ASXL3: variants seen among roughly 807,000 people sequenced by gnomAD.
The protein encoded by ASXL3 is putative Polycomb group protein ASXL3.
In ASXL3, 34 loss-of-function variants were observed where a neutral mutation model predicts 170.6. The observed-to-expected ratio is 0.20, with a 90% CI of 0.15 to 0.27. The LOEUF (loss-of-function observed/expected upper bound fraction) is 0.27. Ranked by LOEUF, ASXL3 falls within the 10% of genes least tolerant of loss-of-function variation. The probability of loss-of-function intolerance (pLI) is 1.00; values close to 1 mark genes in which losing one functional copy is unlikely to be tolerated. For missense variants in ASXL3, 2,592 were observed against 2,695.3 expected (o/e 0.96, Z 0.85); for synonymous variants, 1,002 against 989.1 (o/e 1.01, Z -0.24).
intron 8 of ASXL3, among the ~76,000 whole-genome samples, chr18:33,703,144 A>G (rs749454596): frequency 1.3e-5 from 2 of 152,036 alleles, no homozygotes; most frequent in Non-Finnish European, 2.9e-5. Context: ...TACATTCATA[A>G]AGCTACCAGT....
rs542841614 is a variant in ASXL3 at position 33,706,651 on chromosome 18, C to T, written c.879+23083C>T. ...ATCCCCATTTGTATATTACCAGTTCCAGTCTTTAGTGTATTTTTTTTATTG... is the reference window on the plus strand; with the variant it reads ...ATCCCCATTTGTATATTACCAGTTCTAGTCTTTAGTGTATTTTTTTTATTG... On this transcript the variant is annotated intron_variant, in intron 8 of 11. Coordinates refer to ENST00000269197, the MANE Select transcript of ASXL3 (RefSeq NM_030632.3). 3.0e-4 allele frequency among the ~76,000 whole-genome samples: 46 copies of T among 151,790 alleles called. 1 individual carries two copies. The South Asian group carries it at 7.1e-3, about 23-fold the overall frequency.
chr18:33,727,833 TC>T (rs1465345025), intron 8 of ASXL3, among the ~76,000 whole-genome samples: 3 of 152,210 alleles, frequency 2.0e-5, no homozygotes, highest in Non-Finnish European at 4.4e-5. Flanking sequence ...GGCATTTATT[TC>T]CTAAATCAAA....
chr18:33,743,124 G>A lies in ASXL3; in HGVS notation c.3276G>A (p.Glu1092=), dbSNP rs1454638422. The A allele has an allele frequency of 6.2e-7, 1 of 1,613,724 alleles. No homozygotes were observed. The highest frequency in any genetic ancestry group is 1.3e-5 in the African/African-American group (1 of 74,878). Residue 1092 remains glutamate (E), a synonymous_variant, in exon 12 of 12, where the codon GAG becomes GAA. Coordinates refer to ENST00000269197, the MANE Select transcript of ASXL3 (RefSeq NM_030632.3). ...IVSGAMGSPG[E]GGKTRTLAHI... Reference sequence around the variant, plus strand: ...CTGGAGCCATGGGAAGTCCAGGAGAGGGTGGAAAGACGAGAACTCTGGCAC... The same window carrying A: ...CTGGAGCCATGGGAAGTCCAGGAGAAGGTGGAAAGACGAGAACTCTGGCAC...
At chr18:33,717,848 G>GGTTT (rs1309615923) in intron 8 of ASXL3, among the ~76,000 whole-genome samples, 1 of 152,066 alleles carries the variant, frequency 6.6e-6, no homozygotes, top group African/African-American at 2.4e-5. Flanking sequence ...CCCGTTTTCT[G>GGTTT]GTTTGTGCAC....
intron 8 of ASXL3, among the ~76,000 whole-genome samples, chr18:33,685,183 A>T (rs2066574022): frequency 6.6e-6 from 1 of 152,224 alleles, no homozygotes; most frequent in Non-Finnish European, 1.5e-5. Flanking sequence ...GAAACATGAA[A>T]GTAGAAAGAA....
At chr18:33,669,195 G>A (rs961387002) in intron 5 of ASXL3, among the ~76,000 whole-genome samples, 4 of 152,032 alleles carry the variant, frequency 2.6e-5, no homozygotes, top group Non-Finnish European at 5.9e-5. Flanking sequence ...AAATTTATGT[G>A]CAATTATGTA....
At position 33,633,363 on chromosome 18, in the gene ASXL3, C is replaced by T. The variant is rs758146817; in HGVS notation, c.138-11531C>T. On this transcript the variant is annotated intron_variant, in intron 2 of 11. Coordinates refer to ENST00000269197, the MANE Select transcript of ASXL3 (RefSeq NM_030632.3). ...GTTCTGTAATAAGGAAATACTTAAACGAATTATGATACAGTACATATATTT... is the reference window on the plus strand; with the variant it reads ...GTTCTGTAATAAGGAAATACTTAAATGAATTATGATACAGTACATATATTT... 5.3e-5 allele frequency among the ~76,000 whole-genome samples: 8 copies of T among 152,012 alleles called. No individual in the cohort carries two copies. The East Asian group carries it at 9.7e-4, about 18-fold the overall frequency.
chr18:33,730,543 C>T (rs534940423), intron 8 of ASXL3, among the ~76,000 whole-genome samples: 4 of 152,068 alleles, frequency 2.6e-5, no homozygotes, highest in Non-Finnish European at 5.9e-5. Flanking sequence ...GTTATCCAGT[C>T]AAAAGATGGG....
At chr18:33,689,087 G>T (rs907484685) in intron 8 of ASXL3, among the ~76,000 whole-genome samples, 1 of 151,822 alleles carries the variant, frequency 6.6e-6, no homozygotes, top group South Asian at 2.1e-4. Flanking sequence ...TCCGCCTCCC[G>T]GGTTCAAGCG....
intron 4 of ASXL3, among the ~76,000 whole-genome samples, chr18:33,647,850 A>G (rs550991073): frequency 1.3e-5 from 2 of 152,184 alleles, no homozygotes; most frequent in African/African-American, 4.8e-5. Context: ...ATGGGGCAAA[A>G]TACATAAGGG....
rs1410781329 is a variant in ASXL3 at position 33,578,491 on chromosome 18, GCCGCCGCCA to G, written c.-135_-127del. 7.5e-5 allele frequency: 21 copies of G among 279,902 alleles called. No homozygotes were observed. The highest frequency in any genetic ancestry group is 1.1e-4 in the African/African-American group (4 of 37,192). The allele number at this position is 279,902 out of a possible 1,614,324, so 17.3% of individuals were successfully genotyped here. ...CGCCGCCGCCGCCGCCGCCGCCGCC[GCCGCCGCCA>G]CCGCCCGCGCGCCTCCCCCCGCGGA... On this transcript the variant is annotated 5_prime_UTR_variant, in exon 1 of 12. Transcript: ENST00000269197.
At chr18:33,649,105 C>T (rs2145207251) in intron 4 of ASXL3, among the ~76,000 whole-genome samples, 1 of 151,898 alleles carries the variant, frequency 6.6e-6, no homozygotes, top group Middle Eastern at 3.4e-3. Context: ...AGGAAAGAAT[C>T]AAGAGACAGT....
At position 33,740,284 on chromosome 18, in the gene ASXL3, G is replaced by C; in HGVS notation, c.2880G>C (p.Glu960Asp). The stretch of plus-strand genomic sequence containing the variant: ...TAAGAAATGAAAGTAGAGATTCAGA[G>C]ATATCAAAGAGAAAAACTGCAGAGC... ...DGIRNESRDS[E>D]ISKRKTAEQH... Residue 960 changes from glutamate to aspartate, a missense_variant, in exon 11 of 12, where the codon GAG becomes GAC. Coordinates refer to ENST00000269197, the MANE Select transcript of ASXL3 (RefSeq NM_030632.3). The C allele has an allele frequency of 1.2e-6, 2 of 1,612,566 alleles. No homozygotes were observed. Among genetic ancestry groups the C allele is most frequent in the Non-Finnish European group, 1.7e-6 (2 of 1,179,194 alleles).
At chr18:33,670,149 G>A (rs1261725764) in intron 5 of ASXL3, among the ~76,000 whole-genome samples, 2 of 152,136 alleles carry the variant, frequency 1.3e-5, no homozygotes, top group African/African-American at 4.8e-5. Flanking sequence ...AATGATTCCT[G>A]CCATGTTGAG....
At chr18:33,716,011 C>T (rs2067158281) in intron 8 of ASXL3, among the ~76,000 whole-genome samples, 1 of 152,182 alleles carries the variant, frequency 6.6e-6, no homozygotes. Flanking sequence ...TGTCAAGCAG[C>T]ATTTGAATAA....
In ASXL3 at chr18:33,748,863, A is replaced by T. The variant is rs528418985; in HGVS notation, c.*2268A>T. 1 of 152,194 alleles carries T rather than the reference A, an allele frequency of 6.6e-6. No individual in the cohort carries two copies. The highest frequency in any genetic ancestry group is 2.4e-5 in the African/African-American group (1 of 41,434). The allele number at this position is 152,194 out of a possible 1,614,324, so 9.4% of individuals were successfully genotyped here. On this transcript the variant is annotated 3_prime_UTR_variant, in exon 12 of 12. Transcript: ENST00000269197. ...AAACTCCAGTCTACAGAACCTTTGC[A>T]CTCAGTATGTGAGGTACAATTGAGG...
intron 1 of ASXL3, among the ~76,000 whole-genome samples, chr18:33,581,890 A>G (rs1197994443): frequency 1.3e-5 from 2 of 152,230 alleles, no homozygotes; most frequent in Admixed American, 1.3e-4. Flanking sequence ...AGTGATTATT[A>G]ACAGGCTGCC....
intron 7 of ASXL3, among the ~76,000 whole-genome samples, chr18:33,676,148 C>T (rs138534166): frequency 0.046 from 6,543 of 141,458 alleles, 179 homozygotes; most frequent in Non-Finnish European, 0.051. Flanking sequence ...GGCGTGAACC[C>T]GGGAGGCGGA....
rs1426110347 is a variant in ASXL3 at position 33,738,528 on chromosome 18, G to T, written c.1124G>T (p.Gly375Val). ...SREESVKLTT[G>V]PNNAGAQSSS... ...GAGGAATCTGTGAAGCTCACTACTG[G>T]ACCAAACAACGCTGGAGCTCAAAGT... The change falls in exon 11 of 12, where the codon GGA becomes GTA. Residue 375 changes from glycine (G) to valine (V), a missense_variant. Transcript: ENST00000269197. 2 of 1,613,612 alleles carry T rather than the reference G, an allele frequency of 1.2e-6. No homozygotes were observed. Among genetic ancestry groups the T allele is most frequent in the Admixed American group, 1.7e-5 (1 of 59,932 alleles).
Sources: allele counts gnomAD v4.1 joint callset (sites outside exome capture counted in the v4.1 genomes callset), GRCh38; gene constraint gnomAD v4.1.1; transcripts MANE v1.5; gene names NCBI Gene and HGNC (gene_info 2026-07-23, HGNC 2026-07-21).